The following BTBD9 variants were observed in gnomAD, a reference collection of about 807,000 sequenced individuals.
BTBD9 encodes BTB domain containing 9.
A neutral mutation model predicts 64.3 loss-of-function variants in BTBD9; 49 were observed. The ratio of observed to expected loss-of-function variants is 0.76; its 90% CI spans 0.61 to 0.97. The LOEUF is 0.97. Among genes scored for constraint, BTBD9 ranks in the 50% least tolerant of loss-of-function variants. The probability of loss-of-function intolerance (pLI) is 0.00; values close to 1 mark genes in which losing one functional copy is unlikely to be tolerated. For synonymous variants in BTBD9, 260 were observed against 274.7 expected (o/e 0.95, Z 0.53); for missense variants, 598 against 762.1 (o/e 0.78, Z 2.53).
intron 10 of BTBD9, among the ~76,000 whole-genome samples, chr6:38,187,322 AC>A (rs1195837007): frequency 6.6e-6 from 1 of 152,216 alleles, no homozygotes; most frequent in East Asian, 1.9e-4. Flanking sequence ...CACAGGAATG[AC>A]CATGAACTTG....
rs775027138 is a variant in BTBD9 at position 38,575,448 on chromosome 6, C to T, written c.1154+2152G>A. 2.0e-5 allele frequency among the ~76,000 whole-genome samples: 3 copies of T among 152,178 alleles called. No individual in the cohort carries two copies. In the South Asian group the frequency reaches 6.2e-4, roughly 31 times the overall value. ...GCTGACATACAAACGTGCAAATTAA[C>T]TAACATAATGCAAACTGAACACTTA... On this transcript the variant is annotated intron_variant, in intron 6 of 10. Coordinates refer to ENST00000481247, the MANE Select transcript of BTBD9 (RefSeq NM_001099272.2).
At position 38,542,289 on chromosome 6, in the gene BTBD9, C is replaced by T. The variant is rs1395312261; in HGVS notation, c.1154+35311G>A. 4.6e-5 allele frequency among the ~76,000 whole-genome samples: 7 copies of T among 152,274 alleles called. No homozygotes were observed. The South Asian group carries it at 6.2e-4, about 14-fold the overall frequency. On this transcript the variant is annotated intron_variant, in intron 6 of 10. Coordinates refer to ENST00000481247, the MANE Select transcript of BTBD9 (RefSeq NM_001099272.2). ...GTCTCAACTAAATGTTTGGTCTTCC[C>T]GCACCCACAGTATGTCTTTTTTCCT...
At chr6:38,343,386 G>A (rs547001031) in intron 7 of BTBD9, among the ~76,000 whole-genome samples, 3 of 152,238 alleles carry the variant, frequency 2.0e-5, no homozygotes, top group South Asian at 4.1e-4. Context: ...GATGTAGATG[G>A]TACCTTCCAT....
intron 6 of BTBD9, among the ~76,000 whole-genome samples, chr6:38,533,192 C>T (rs1380908749): frequency 6.6e-6 from 1 of 151,892 alleles, no homozygotes; most frequent in African/African-American, 2.4e-5. Context: ...TAAAGATACA[C>T]ATAGACTGAA....
At chr6:38,585,543 C>G (rs961595116) in intron 4 of BTBD9, among the ~76,000 whole-genome samples, 1 of 152,170 alleles carries the variant, frequency 6.6e-6, no homozygotes, top group Non-Finnish European at 1.5e-5. Context: ...CCCCTTGCCT[C>G]AAGCGGTCCT....
chr6:38,179,846 G>C (rs1561837729), intron 10 of BTBD9: 1 of 456,674 alleles, frequency 2.2e-6, no homozygotes, highest in Admixed American at 2.3e-5. Flanking sequence ...GCTACAGAGA[G>C]GAAGGTGTGC....
At chr6:38,454,432 T>C (rs1190296848) in intron 6 of BTBD9, among the ~76,000 whole-genome samples, 6 of 151,168 alleles carry the variant, frequency 4.0e-5, no homozygotes, top group Admixed American at 2.6e-4. Flanking sequence ...GAAGCATCAT[T>C]ACCATAATTA....
At chr6:38,224,875 G>A (rs1046216014) in intron 9 of BTBD9, among the ~76,000 whole-genome samples, 1 of 152,304 alleles carries the variant, frequency 6.6e-6, no homozygotes, top group Admixed American at 6.5e-5. Context: ...TGGTCATTCA[G>A]AACAAAAATG....
At chr6:38,178,518 G>C (rs902707526) in intron 10 of BTBD9, among the ~76,000 whole-genome samples, 3 of 152,180 alleles carry the variant, frequency 2.0e-5, no homozygotes, top group African/African-American at 7.2e-5. Context: ...CATAAGCCAG[G>C]GAGAAGGAGC....
At chr6:38,352,358 C>G (rs2127593487) in intron 6 of BTBD9, among the ~76,000 whole-genome samples, 2 of 148,568 alleles carry the variant, frequency 1.3e-5, no homozygotes, top group Middle Eastern at 3.4e-3. Context: ...GCCTGGGTGA[C>G]AAAGTGAAAC....
chr6:38,596,714 T>C (rs1297304154), intron 2 of BTBD9, among the ~76,000 whole-genome samples: 2 of 148,288 alleles, frequency 1.3e-5, no homozygotes, highest in African/African-American at 5.0e-5. Context: ...GGCAGGAGAA[T>C]GGCGTGAACC....
chr6:38,632,105 G>A (rs774761181), intron 1 of BTBD9, among the ~76,000 whole-genome samples: 71 of 152,236 alleles, frequency 4.7e-4, no homozygotes, highest in Admixed American at 1.3e-3. Flanking sequence ...TCCAGCCTGG[G>A]CAACAAGAGC....
At chr6:38,515,838 G>A (rs752372715) in intron 6 of BTBD9, among the ~76,000 whole-genome samples, 43 of 152,210 alleles carry the variant, frequency 2.8e-4, no homozygotes, top group Middle Eastern at 3.4e-3. Flanking sequence ...ACTACTTGAC[G>A]CACCAAAAAT....
At position 38,549,214 on chromosome 6, in the gene BTBD9, A is replaced by G. The variant is rs185921886; in HGVS notation, c.1154+28386T>C. 6.6e-5 allele frequency among the ~76,000 whole-genome samples: 10 copies of G among 152,362 alleles called. No individual in the cohort carries two copies. In the South Asian group the frequency reaches 1.7e-3, roughly 25 times the overall value. On this transcript the variant is annotated intron_variant, in intron 6 of 10. Coordinates refer to ENST00000481247, the MANE Select transcript of BTBD9 (RefSeq NM_001099272.2). ...GCTATGAACGCTGGTAAGATAAAAC[A>G]TGATGCTAAATCCCAGTTATTTACC...
intron 9 of BTBD9, among the ~76,000 whole-genome samples, chr6:38,252,782 G>T (rs1764446614): frequency 6.6e-6 from 1 of 152,116 alleles, no homozygotes; most frequent in South Asian, 2.1e-4. Context: ...ACACCTACCT[G>T]GTCAACAGTT....
intron 6 of BTBD9, among the ~76,000 whole-genome samples, chr6:38,430,366 T>C (rs995577355): frequency 4.0e-4 from 61 of 150,988 alleles, no homozygotes; most frequent in African/African-American, 1.3e-3. Flanking sequence ...ATCACAGGCT[T>C]GTGCCACACC....
intron 6 of BTBD9, among the ~76,000 whole-genome samples, chr6:38,504,045 C>T (rs1277271436): frequency 6.6e-6 from 1 of 152,130 alleles, no homozygotes; most frequent in East Asian, 1.9e-4. Context: ...CCCTCATTTC[C>T]CTCCTCTGTT....
intron 8 of BTBD9, among the ~76,000 whole-genome samples, chr6:38,268,553 A>G (rs779588666): frequency 2.6e-5 from 4 of 152,130 alleles, no homozygotes; most frequent in Non-Finnish European, 5.9e-5. Flanking sequence ...CTGTTCAATC[A>G]CGTAATCTCT....
Position 38,343,020 on chromosome 6 carries a change from C to T in BTBD9, c.1264+1964G>A, listed in dbSNP as rs1034697527. Among the ~76,000 whole-genome samples, 10 of 152,262 alleles carry T rather than the reference C, an allele frequency of 6.6e-5. No homozygotes were observed. The South Asian group carries it at 1.7e-3, about 25-fold the overall frequency. On this transcript the variant is annotated intron_variant, in intron 7 of 10. Transcript: ENST00000481247. ...CCACTGCAGGCAATCTTCTGGCAAG[C>T]GCATGTACATATCTGCCTACCTGCA... is the stretch of plus-strand genomic sequence containing the variant.
Sources: gnomAD v4.1 joint callset for allele counts (sites outside exome capture counted in the v4.1 genomes callset) on GRCh38, gnomAD v4.1.1 for gene constraint, MANE v1.5 for transcripts, NCBI Gene and HGNC (gene_info 2026-07-23, HGNC 2026-07-21) for gene names.